Variants in SPON1 observed in about 807,000 individuals in gnomAD.
The protein encoded by SPON1 is spondin-1.
SPON1 carries 52 observed loss-of-function variants against 111.7 expected under a neutral mutation model. The ratio of observed to expected loss-of-function variants is 0.47; its 90% confidence interval spans 0.37 to 0.59. SPON1 has a LOEUF of 0.59. SPON1 is among the 20% of genes least tolerant of loss of function. The pLI is 0.00. For synonymous variants in SPON1, 410 were observed against 395.8 expected (o/e 1.04, Z -0.43); for missense variants, 957 against 1,068.5 (o/e 0.90, Z 1.46).
At chr11:14,226,552 C>T (rs566119211) in intron 6 of SPON1, among the ~76,000 whole-genome samples, 17 of 152,260 alleles carry the variant, frequency 1.1e-4, no homozygotes, top group South Asian at 6.2e-4. Context: ...CAAAATTCGA[C>T]GTACAATTTT....
chr11:14,056,900 A>G (rs1034051638), intron 3 of SPON1, among the ~76,000 whole-genome samples: 3 of 152,186 alleles, frequency 2.0e-5, no homozygotes, highest in Non-Finnish European at 4.4e-5. Context: ...CAAAAAATAA[A>G]TTAATTAATC....
intron 6 of SPON1, among the ~76,000 whole-genome samples, chr11:14,145,997 A>G (rs1005110423): frequency 1.3e-5 from 2 of 152,178 alleles, no homozygotes; most frequent in Admixed American, 6.5e-5. Flanking sequence ...GTATAGGATT[A>G]TATATGCATA....
intron 2 of SPON1, among the ~76,000 whole-genome samples, chr11:14,016,162 T>C (rs1176695446): frequency 1.3e-5 from 2 of 152,372 alleles, no homozygotes; most frequent in African/African-American, 4.8e-5. Flanking sequence ...GAACTTCCTT[T>C]CTTTTTGGGT....
At chr11:14,201,308 C>G (rs1230688584) in intron 6 of SPON1, among the ~76,000 whole-genome samples, 1 of 151,800 alleles carries the variant, frequency 6.6e-6, no homozygotes, top group Non-Finnish European at 1.5e-5. Flanking sequence ...CCACTGCACT[C>G]TAGCCTGGGT....
At chr11:14,128,204 C>T (rs1554927207) in intron 5 of SPON1, among the ~76,000 whole-genome samples, 1 of 152,208 alleles carries the variant, frequency 6.6e-6, no homozygotes, top group East Asian at 1.9e-4. Flanking sequence ...ACTCAAAAGT[C>T]CAAGTCCAAA....
intron 5 of SPON1, among the ~76,000 whole-genome samples, chr11:14,116,899 C>T (rs1345754107): frequency 6.6e-6 from 1 of 152,080 alleles, no homozygotes; most frequent in Non-Finnish European, 1.5e-5. Flanking sequence ...TGTTTTATAG[C>T]TTTCTGTGGA....
In SPON1 at chr11:14,091,169, C is replaced by T. The variant is rs996733610; in HGVS notation, c.676+11148C>T. Among the ~76,000 whole-genome samples, 7 of 152,244 alleles carry T rather than the reference C, an allele frequency of 4.6e-5. No individual in the cohort carries two copies. The South Asian group carries it at 8.3e-4, about 18-fold the overall frequency. Reference sequence around the variant, plus strand: ...GATTGGTGCACTCACAAACCTTGAGCGAGACACAGGGTGCTGATTGGTGTG... The same window carrying T: ...GATTGGTGCACTCACAAACCTTGAGTGAGACACAGGGTGCTGATTGGTGTG... On this transcript the variant is annotated intron_variant, in intron 5 of 15. Coordinates refer to ENST00000576479, the MANE Select transcript of SPON1 (RefSeq NM_006108.4).
chr11:14,130,639 A>G (rs12803973), intron 5 of SPON1, among the ~76,000 whole-genome samples: 1 of 152,124 alleles, frequency 6.6e-6, no homozygotes, highest in Non-Finnish European at 1.5e-5. Context: ...ATTAAATCAG[A>G]TAAGTGTACC....
chr11:13,979,046 G>C (rs79085238), intron 1 of SPON1, among the ~76,000 whole-genome samples: 1 of 152,172 alleles, frequency 6.6e-6, no homozygotes, highest in East Asian at 1.9e-4. Flanking sequence ...ACTATAAATT[G>C]TTGGCTTGAA....
intron 4 of SPON1, among the ~76,000 whole-genome samples, chr11:14,076,863 C>A (rs1260083082): frequency 2.0e-5 from 3 of 152,206 alleles, no homozygotes; most frequent in Non-Finnish European, 4.4e-5. Context: ...GTCCAGAGAA[C>A]CCTGGCCAGC....
intron 6 of SPON1, among the ~76,000 whole-genome samples, chr11:14,199,761 G>T (rs1848441560): frequency 6.6e-6 from 1 of 152,180 alleles, no homozygotes; most frequent in Non-Finnish European, 1.5e-5. Context: ...CTCATGCACG[G>T]TTCTGAGCAT....
intron 3 of SPON1, among the ~76,000 whole-genome samples, chr11:14,047,832 A>C (rs1385698192): frequency 1.3e-5 from 2 of 152,230 alleles, no homozygotes; most frequent in Admixed American, 1.3e-4. Flanking sequence ...TAAATCATAG[A>C]GTCCCTCCAA....
chr11:14,090,293 A>G (rs1849039777), intron 5 of SPON1, among the ~76,000 whole-genome samples: 1 of 151,598 alleles, frequency 6.6e-6, no homozygotes. Flanking sequence ...CTGGACGTGT[A>G]GGCACACAAG....
intron 3 of SPON1, among the ~76,000 whole-genome samples, chr11:14,071,016 A>G (rs1554920846): frequency 1.3e-5 from 2 of 152,190 alleles, no homozygotes; most frequent in African/African-American, 2.4e-5. Flanking sequence ...ATAAGAGAGC[A>G]TTCAGTATAT....
intron 2 of SPON1, among the ~76,000 whole-genome samples, chr11:13,999,657 T>C (rs1038466507): frequency 5.9e-5 from 9 of 152,158 alleles, no homozygotes; most frequent in Admixed American, 1.3e-4. Flanking sequence ...TCTGCCCACC[T>C]CAGCCTCCCA....
At chr11:14,114,838 G>T (rs1213118349) in intron 5 of SPON1, among the ~76,000 whole-genome samples, 1 of 152,100 alleles carries the variant, frequency 6.6e-6, no homozygotes, top group African/African-American at 2.4e-5. Context: ...CCCTTGTCTG[G>T]TTTCTCTCTG....
At chr11:14,241,790 C>T (rs1554939703) in intron 6 of SPON1, among the ~76,000 whole-genome samples, 1 of 152,204 alleles carries the variant, frequency 6.6e-6, no homozygotes, top group Non-Finnish European at 1.5e-5. Context: ...AAGGGATACA[C>T]TGTAAACAAA....
chr11:14,155,949 G>A (rs368671603), intron 6 of SPON1, among the ~76,000 whole-genome samples: 5,573 of 131,370 alleles, frequency 0.042, 324 homozygotes, highest in South Asian at 0.1. Flanking sequence ...GAATAGTGCC[G>A]CAATAAACAT....
At chr11:14,170,334 CA>C (rs1385321110) in intron 6 of SPON1, among the ~76,000 whole-genome samples, 1 of 152,054 alleles carries the variant, frequency 6.6e-6, no homozygotes, top group Non-Finnish European at 1.5e-5. Context: ...GTGATTTTTG[CA>C]CATTGATTTT....
Sources: allele counts gnomAD v4.1 joint callset (sites outside exome capture counted in the v4.1 genomes callset), GRCh38; gene constraint gnomAD v4.1.1; transcripts MANE v1.5; gene names NCBI Gene and HGNC (gene_info 2026-07-23, HGNC 2026-07-21).